Variants in IGF1R observed in about 807,000 individuals in gnomAD.
IGF1R encodes insulin like growth factor 1 receptor.
Under a neutral mutation model 144.6 loss-of-function variants are expected in IGF1R, and 44 were observed. That is an observed-to-expected ratio of 0.30 (90% CI 0.24 to 0.39). IGF1R has a LOEUF of 0.39. Ranked by LOEUF, IGF1R falls within the 10% of genes least tolerant of loss-of-function variation. The pLI is 1.00. For missense variants in IGF1R, 1,355 were observed against 1,833.7 expected (o/e 0.74, Z 4.77); for synonymous variants, 795 against 722.8 (o/e 1.10, Z -1.60).
chr15:98,927,277 C>G (rs1160736772), intron 13 of IGF1R, among the ~76,000 whole-genome samples: 1 of 152,192 alleles, frequency 6.6e-6, no homozygotes, highest in African/African-American at 2.4e-5. Flanking sequence ...ACAGTTTAGT[C>G]TCATTTCCTC....
intron 2 of IGF1R, among the ~76,000 whole-genome samples, chr15:98,762,243 T>C (rs549810530): frequency 6.1e-4 from 78 of 128,600 alleles, no homozygotes; most frequent in African/African-American, 2.2e-3. Context: ...CTTTTCTTTT[T>C]TTTTTTTTTT....
At chr15:98,924,848 TGAAA>T (rs1198569172) in intron 13 of IGF1R, among the ~76,000 whole-genome samples, 164 bp downstream of exon 13, 1 of 152,062 alleles carries the variant, frequency 6.6e-6, no homozygotes, top group Non-Finnish European at 1.5e-5. Flanking sequence ...GCACTGTGTG[TGAAA>T]GGTTGGGCAG....
chr15:98,856,371 C>T (rs542885874), intron 2 of IGF1R, among the ~76,000 whole-genome samples: 65 of 152,352 alleles, frequency 4.3e-4, no homozygotes, highest in African/African-American at 1.5e-3. Context: ...TGGCTTGAGC[C>T]AGTCACTTAA....
intron 2 of IGF1R, among the ~76,000 whole-genome samples, chr15:98,831,523 C>G (rs1423864713): frequency 1.3e-5 from 2 of 152,166 alleles, no homozygotes; most frequent in Non-Finnish European, 2.9e-5. Flanking sequence ...GAGGGTTGAT[C>G]CCTTCCTTCC....
chr15:98,772,476 AATTATT>A lies in IGF1R; in HGVS notation c.640+64403_640+64408del, dbSNP rs147636909. 7.0e-4 allele frequency among the ~76,000 whole-genome samples: 44 copies of A among 62,528 alleles called. 1 individual carries two copies. The highest frequency in any genetic ancestry group is 1.3e-3 in the African/African-American group (33 of 25,068). The allele number at this position is 62,528 out of a possible 152,430, so 41.0% of individuals were successfully genotyped here. ...GACTTCATTCAAGAGGTCACTTAAAAATTATTATTATTATTATTATTATTATTATTA... is the reference window on the plus strand; with the variant it reads ...GACTTCATTCAAGAGGTCACTTAAAAATTATTATTATTATTATTATTATTA... On this transcript the variant is annotated intron_variant, in intron 2 of 20. Transcript: ENST00000650285.
rs966191408 is a variant in IGF1R, at chr15:98,959,382, C to T, written c.*1940C>T. The T allele has an allele frequency of 1.3e-5, 3 of 233,626 alleles. No homozygotes were observed. Among genetic ancestry groups the T allele is most frequent in the African/African-American group, 2.2e-5 (1 of 45,348 alleles). The allele number at this position is 233,626 out of a possible 1,614,324, so 14.5% of individuals were successfully genotyped here. On this transcript the variant is annotated 3_prime_UTR_variant, in exon 21 of 21. Transcript: ENST00000650285. ...TTGTGGCCCTCGCCACCCCCCTCACCGGACCGACTGACCTGTCTTTGGAAC... is the reference window on the plus strand; with the variant it reads ...TTGTGGCCCTCGCCACCCCCCTCACTGGACCGACTGACCTGTCTTTGGAAC...
At chr15:98,818,240 A>G (rs541373045) in intron 2 of IGF1R, among the ~76,000 whole-genome samples, 1 of 152,292 alleles carries the variant, frequency 6.6e-6, no homozygotes, top group East Asian at 1.9e-4. Flanking sequence ...ATGAGACACA[A>G]TTGATTTCAT....
chr15:98,655,913 C>T (rs775585061), intron 1 of IGF1R, among the ~76,000 whole-genome samples: 3 of 152,080 alleles, frequency 2.0e-5, no homozygotes, highest in Non-Finnish European at 4.4e-5. Flanking sequence ...TGCTATGTTG[C>T]TCAGGTTGGA....
intron 11 of IGF1R, among the ~76,000 whole-genome samples, chr15:98,923,061 C>T (rs1472888731): frequency 6.6e-6 from 1 of 152,176 alleles, no homozygotes; most frequent in Admixed American, 6.5e-5. Context: ...GCAGTTCTGG[C>T]ACTGAAGTCC....
At chr15:98,817,233 C>T (rs2141470406) in intron 2 of IGF1R, among the ~76,000 whole-genome samples, 1 of 152,048 alleles carries the variant, frequency 6.6e-6, no homozygotes, top group East Asian at 1.9e-4. Flanking sequence ...ACCCGGGAGG[C>T]AGAGGTTGCA....
chr15:98,748,231 G>A (rs984683999), intron 2 of IGF1R, among the ~76,000 whole-genome samples: 2 of 152,182 alleles, frequency 1.3e-5, no homozygotes, highest in African/African-American at 4.8e-5. Flanking sequence ...CAGTGGTGTA[G>A]TCATAGCTCA....
chr15:98,859,927 T>G (rs1423157361), intron 2 of IGF1R, among the ~76,000 whole-genome samples: 1 of 152,222 alleles, frequency 6.6e-6, no homozygotes, highest in Non-Finnish European at 1.5e-5. Context: ...TTGAAGTTTT[T>G]TCTTTTGAGA....
chr15:98,952,055 T>A (rs2016795511), intron 20 of IGF1R, among the ~76,000 whole-genome samples: 1 of 152,216 alleles, frequency 6.6e-6, no homozygotes, highest in African/African-American at 2.4e-5. Flanking sequence ...CTTGGAAAAC[T>A]AGGCAGCAGG....
At chr15:98,665,102 C>T (rs976785584) in intron 1 of IGF1R, among the ~76,000 whole-genome samples, 3 of 151,982 alleles carry the variant, frequency 2.0e-5, no homozygotes, top group Non-Finnish European at 2.9e-5. Flanking sequence ...GGACTACAGG[C>T]GTCCGCTGCC....
At chr15:98,733,500 T>TTC (rs1555437341) in intron 2 of IGF1R, among the ~76,000 whole-genome samples, 61 of 150,060 alleles carry the variant, frequency 4.1e-4, no homozygotes, top group African/African-American at 1.5e-3. Flanking sequence ...TTTTTTTTTT[T>TTC]CCCCCTTCCA....
At chr15:98,788,062 CTGTG>C (rs59500414) in intron 2 of IGF1R, among the ~76,000 whole-genome samples, 1 of 131,032 alleles carries the variant, frequency 7.6e-6, no homozygotes, top group African/African-American at 3.0e-5. Context: ...CTCTCTCTCT[CTGTG>C]TGTGTGTGTG....
At chr15:98,665,296 A>G (rs2052709373) in intron 1 of IGF1R, among the ~76,000 whole-genome samples, 1 of 152,148 alleles carries the variant, frequency 6.6e-6, no homozygotes, top group South Asian at 2.1e-4. Context: ...CAAGCGCTCC[A>G]CTGGGGATAG....
chr15:98,780,115 TAAC>T (rs2055819867), intron 2 of IGF1R, among the ~76,000 whole-genome samples: 1 of 151,040 alleles, frequency 6.6e-6, no homozygotes, highest in African/African-American at 2.4e-5. Context: ...ATTTATGTAA[TAAC>T]AAACATTCGC....
At chr15:98,811,156 C>T (rs1427616412) in intron 2 of IGF1R, among the ~76,000 whole-genome samples, 1 of 151,764 alleles carries the variant, frequency 6.6e-6, no homozygotes, top group East Asian at 2.0e-4. Context: ...CAAAAATTAA[C>T]CAGATGTGGT....
Sources: gnomAD v4.1 joint callset for allele counts (sites outside exome capture counted in the v4.1 genomes callset) on GRCh38, gnomAD v4.1.1 for gene constraint, MANE v1.5 for transcripts, NCBI Gene and HGNC (gene_info 2026-07-23, HGNC 2026-07-21) for gene names.